NTN4: variants seen among roughly 807,000 people sequenced by gnomAD.
The protein encoded by NTN4 is netrin 4, also known as netrin-4.
A neutral mutation model predicts 73.6 loss-of-function variants in NTN4; 32 were observed. That is an observed-to-expected ratio of 0.44 (90% CI 0.33 to 0.58). The LOEUF is 0.58. Ranked by LOEUF, NTN4 falls within the 20% of genes least tolerant of loss-of-function variation. The pLI, the probability that NTN4 is intolerant of heterozygous loss-of-function variation, is 0.04. For synonymous variants in NTN4, 258 were observed against 287.5 expected (o/e 0.90, Z 1.04); for missense variants, 654 against 798.3 (o/e 0.82, Z 2.18).
chr12:95,732,228 TTC>T (rs2078742525), intron 3 of NTN4, among the ~76,000 whole-genome samples: 1 of 136,572 alleles, frequency 7.3e-6, no homozygotes, highest in Non-Finnish European at 1.7e-5. Context: ...CTTTCTCTCT[TTC>T]TTTCTTTCTC....
chr12:95,676,774 A>G lies in NTN4; in HGVS notation c.1510+5933T>C, dbSNP rs575409155. On this transcript the variant is annotated intron_variant, in intron 7 of 9. Transcript: ENST00000343702. ...TTAAATAGGTTGGATCAAGTTAACC[A>G]AAAGTTAATCTCTGAGAGAAGCAAA... Among the ~76,000 whole-genome samples the G allele has an allele frequency of 5.3e-5, 8 of 152,280 alleles. No homozygotes were observed. The South Asian group carries it at 1.7e-3, about 32-fold the overall frequency.
chr12:95,692,057 C>A (rs895914562), intron 5 of NTN4, among the ~76,000 whole-genome samples: 2 of 152,002 alleles, frequency 1.3e-5, no homozygotes, highest in African/African-American at 4.8e-5. Flanking sequence ...TTGGGGGGGA[C>A]AGAGTTTCGC....
At chr12:95,737,835 T>C (rs1194806139) in intron 3 of NTN4, 31 bp downstream of exon 3, 1 of 1,586,760 alleles carries the variant, frequency 6.3e-7, no homozygotes, top group Non-Finnish European at 8.6e-7. Flanking sequence ...TTATGATTTG[T>C]TTTTCTTAGG....
intron 2 of NTN4, among the ~76,000 whole-genome samples, chr12:95,770,078 A>G (rs1401699376): frequency 6.6e-6 from 1 of 152,144 alleles, no homozygotes; most frequent in Non-Finnish European, 1.5e-5. Context: ...TTGTCTACTT[A>G]TTAAATTAGG....
chr12:95,753,617 A>G (rs1306944619), intron 2 of NTN4, among the ~76,000 whole-genome samples: 1 of 150,948 alleles, frequency 6.6e-6, no homozygotes, highest in African/African-American at 2.4e-5. Flanking sequence ...GGCTGTTAGT[A>G]TTCAGTGAAA....
intron 5 of NTN4, among the ~76,000 whole-genome samples, chr12:95,700,023 T>C (rs1346360819): frequency 6.6e-6 from 1 of 151,844 alleles, no homozygotes. Context: ...GTTAATTCTG[T>C]TCTACAGGCA....
Position 95,735,953 on chromosome 12 carries a change from T to A in NTN4, c.864+1913A>T, listed in dbSNP as rs540263415. Reference sequence around the variant, plus strand: ...TATTTATTTATTTATTTATTTATTTTTTTGAGACAGAGTCTTGCTTTGTCA... The same window carrying A: ...TATTTATTTATTTATTTATTTATTTATTTGAGACAGAGTCTTGCTTTGTCA... On this transcript the variant is annotated intron_variant, in intron 3 of 9. Coordinates refer to ENST00000343702, the MANE Select transcript of NTN4 (RefSeq NM_021229.4). 1.4e-3 allele frequency among the ~76,000 whole-genome samples: 180 copies of A among 130,560 alleles called. 3 individuals are homozygous for A. The South Asian group carries it at 0.025, about 18-fold the overall frequency. 85.7% of individuals were successfully genotyped at this position (130,560 alleles called of 152,430 possible). A position where few individuals can be genotyped will look rare whatever the true frequency, so the allele number is the denominator to read the frequency against.
At chr12:95,790,931 G>GGA, upstream of NTN4, among the ~76,000 whole-genome samples, 1 of 149,108 alleles carries the variant, frequency 6.7e-6, no homozygotes, top group East Asian at 2.0e-4. The surrounding 1 kb of genome is among the most constrained non-coding windows in gnomAD (Gnocchi z 6.5). Flanking sequence ...TGCCGCCCGG[G>GGA]GGGGGGGTCC....
At chr12:95,668,196 T>C (rs570218320) in intron 8 of NTN4, among the ~76,000 whole-genome samples, 1 of 152,158 alleles carries the variant, frequency 6.6e-6, no homozygotes, top group East Asian at 1.9e-4. Flanking sequence ...GAAACCAATT[T>C]TTTCCAAGTC....
intron 7 of NTN4, 131 bp downstream of exon 7, chr12:95,682,576 T>C: frequency 1.7e-6 from 1 of 577,710 alleles, no homozygotes; most frequent in East Asian, 2.9e-5. Flanking sequence ...GTCACTACTT[T>C]ATTATACCAT....
intron 2 of NTN4, among the ~76,000 whole-genome samples, chr12:95,779,176 T>C (rs557717407): frequency 1.3e-5 from 2 of 152,296 alleles, no homozygotes; most frequent in East Asian, 3.9e-4. Flanking sequence ...ATAAGAGCTA[T>C]GTATGACAAA....
At chr12:95,734,069 C>CAA (rs34550049) in intron 3 of NTN4, among the ~76,000 whole-genome samples, 9 of 94,226 alleles carry the variant, frequency 9.6e-5, no homozygotes, top group Admixed American at 2.6e-4. Flanking sequence ...GACTCCATTT[C>CAA]AAAAAAAAAA....
chr12:95,683,035 T>G (rs2078331090), intron 6 of NTN4, among the ~76,000 whole-genome samples: 1 of 150,240 alleles, frequency 6.7e-6, no homozygotes, highest in South Asian at 2.2e-4. Context: ...TACTTGAGTT[T>G]GTAATTAGAC....
At chr12:95,702,806 TA>T (rs1307090163) in intron 5 of NTN4, among the ~76,000 whole-genome samples, 3 of 150,680 alleles carry the variant, frequency 2.0e-5, no homozygotes, top group African/African-American at 7.3e-5. Context: ...GTGCTTCTAG[TA>T]AATTTATCTC....
chr12:95,666,183 A>G (rs529844203), intron 8 of NTN4, among the ~76,000 whole-genome samples: 1 of 152,318 alleles, frequency 6.6e-6, no homozygotes, highest in East Asian at 1.9e-4. Context: ...ATGGAAAAGC[A>G]AACCTCATTA....
chr12:95,691,450 C>CA (rs1426664159), intron 5 of NTN4, among the ~76,000 whole-genome samples: 23 of 152,190 alleles, frequency 1.5e-4, no homozygotes, highest in Admixed American at 1.4e-3. Flanking sequence ...GGCTAGAGTG[C>CA]AGTGGCGTAA....
chr12:95,756,892 C>T (rs77020210), intron 2 of NTN4, among the ~76,000 whole-genome samples: 15,217 of 151,886 alleles, frequency 0.1, 1,910 homozygotes, highest in African/African-American at 0.3. Flanking sequence ...CCACCCATTC[C>T]GCTCCCACCC....
chr12:95,723,578 C>G (rs1172999911), intron 3 of NTN4, among the ~76,000 whole-genome samples: 1 of 152,008 alleles, frequency 6.6e-6, no homozygotes, highest in Non-Finnish European at 1.5e-5. Flanking sequence ...TACAGTGGCA[C>G]TATCTTGGTT....
intron 7 of NTN4, among the ~76,000 whole-genome samples, chr12:95,675,695 A>G (rs2078267993): frequency 6.6e-6 from 1 of 152,254 alleles, no homozygotes; most frequent in African/African-American, 2.4e-5. Context: ...GTAAAGAAAG[A>G]AAAGAAATGA....
Sources: allele counts gnomAD v4.1 joint callset (sites outside exome capture counted in the v4.1 genomes callset), GRCh38; gene constraint gnomAD v4.1.1; non-coding constraint Gnocchi (gnomAD v3.1); transcripts MANE v1.5; gene names NCBI Gene and HGNC (gene_info 2026-07-23, HGNC 2026-07-21).